Variants in FAM184B observed in about 807,000 individuals in gnomAD.
FAM184B encodes protein FAM184B.
Under a neutral mutation model 135.9 loss-of-function variants are expected in FAM184B, and 111 were observed. The observed-to-expected ratio is 0.82, with a 90% CI of 0.70 to 0.96. The LOEUF (loss-of-function observed/expected upper bound fraction) is 0.96, where lower values mean the gene tolerates loss of function less well. FAM184B is among the 40% of genes least tolerant of loss of function. The pLI, the probability that FAM184B is intolerant of heterozygous loss-of-function variation, is 0.00. For missense variants in FAM184B, 1,375 were observed against 1,323.9 expected, an observed-to-expected ratio of 1.04 and a Z score of -0.60; for synonymous variants, 552 against 524.8, an observed-to-expected ratio of 1.05 and a Z score of -0.71.
intron 1 of FAM184B, among the ~76,000 whole-genome samples, chr4:17,755,646 A>T (rs942361608): frequency 1.3e-5 from 2 of 152,234 alleles, no homozygotes; most frequent in Non-Finnish European, 2.9e-5. Context: ...TAGCAAAGAC[A>T]TGGAATCAAC....
In FAM184B at chr4:17,630,778, G is replaced by A. The variant is rs1343364205; in HGVS notation, c.*1754C>T. 1 of 99,948 alleles carries A rather than the reference G, an allele frequency of 1.0e-5. No homozygotes were observed. Among genetic ancestry groups the A allele is most frequent in the African/African-American group, 3.0e-5 (1 of 33,878 alleles). 6.2% of individuals were successfully genotyped at this position (99,948 alleles called of 1,614,324 possible). A position where few individuals can be genotyped will look rare whatever the true frequency, so the allele number is the denominator to read the frequency against. On this transcript the variant is annotated 3_prime_UTR_variant, in exon 18 of 18. Coordinates refer to ENST00000265018, the MANE Select transcript of FAM184B (RefSeq NM_015688.2). The stretch of plus-strand genomic sequence containing the variant: ...TAAGTTTGACAGTTATATGTAATCA[G>A]CTTTTTTTTTTTTAAGATGGTGTGA...
At chr4:17,693,024 G>A (rs1716770468) in intron 6 of FAM184B, among the ~76,000 whole-genome samples, 2 of 94,638 alleles carry the variant, frequency 2.1e-5, no homozygotes, top group Admixed American at 1.3e-4. Flanking sequence ...AAAGGCAGGG[G>A]AACTGCAGGC....
intron 1 of FAM184B, among the ~76,000 whole-genome samples, chr4:17,754,817 A>C (rs1215401039): frequency 6.6e-6 from 1 of 152,126 alleles, no homozygotes; most frequent in African/African-American, 2.4e-5. Flanking sequence ...AGAAACAAAA[A>C]TGTTTAAAGT....
At position 17,633,798 on chromosome 4, in the gene FAM184B, A is replaced by C; in HGVS notation, c.2980T>G (p.Ser994Ala). Residue 994 changes from serine to alanine, a missense_variant, in exon 17 of 18, where the codon TCC (serine) becomes GCC (alanine). Coordinates refer to ENST00000265018, the MANE Select transcript of FAM184B (RefSeq NM_015688.2). Reference sequence around the variant, plus strand: ...GTTATTGGAGGGGCATTAATCCTGGAACTCAGATCGCCACTCAGAAAGTTC... The same window carrying C: ...GTTATTGGAGGGGCATTAATCCTGGCACTCAGATCGCCACTCAGAAAGTTC... ...AKNFLSGDLS[S>A]RINAPPITTS... is the part of the protein sequence containing the mutation. The C allele has an allele frequency of 6.4e-7, 1 of 1,551,584 alleles. No individual in the cohort carries two copies. The highest frequency in any genetic ancestry group is 1.4e-5 in the African/African-American group (1 of 73,148).
intron 1 of FAM184B, among the ~76,000 whole-genome samples, chr4:17,767,109 C>T (rs1456224847): frequency 3.9e-5 from 6 of 152,174 alleles, no homozygotes; most frequent in African/African-American, 1.2e-4. Flanking sequence ...GAGTGCGGGG[C>T]CGCCGAGCCA....
chr4:17,650,352 C>T (rs1715581571), intron 11 of FAM184B, among the ~76,000 whole-genome samples: 1 of 152,200 alleles, frequency 6.6e-6, no homozygotes, highest in Non-Finnish European at 1.5e-5. Flanking sequence ...TATCAACCTG[C>T]CATTACTGTA....
In FAM184B at chr4:17,688,443, C is replaced by T; in HGVS notation, c.1577G>A (p.Cys526Tyr). The change falls in exon 7 of 18, where the codon TGC becomes TAC. Residue 526 changes from cysteine to tyrosine, a missense_variant. Physicochemically the swap from Cys to Tyr is radical, Grantham distance 194. Transcript: ENST00000265018. ...GGTTACCTGGGTCTCCAGAATGCTG[C>T]AGTGCTGGCGGCCTAATTCCTGGGG... The part of the protein sequence containing the change: ...ESPQELGRQH[C>Y]SILETQDPCL... 1 of 1,550,176 alleles carries T rather than the reference C, an allele frequency of 6.5e-7. No individual in the cohort carries two copies. Among genetic ancestry groups the T allele is most frequent in the Non-Finnish European group, 8.7e-7 (1 of 1,146,558 alleles).
chr4:17,677,754 T>C (rs1716345880), intron 7 of FAM184B, among the ~76,000 whole-genome samples: 1 of 152,080 alleles, frequency 6.6e-6, no homozygotes, highest in African/African-American at 2.4e-5. Context: ...CTAATGAACA[T>C]AGATGCAAAA....
At chr4:17,645,520 C>T (rs111827247) in intron 12 of FAM184B, among the ~76,000 whole-genome samples, 2 of 151,994 alleles carry the variant, frequency 1.3e-5, no homozygotes, top group African/African-American at 2.4e-5. Flanking sequence ...AACTGGCTAG[C>T]CATATGTAGA....
intron 7 of FAM184B, among the ~76,000 whole-genome samples, chr4:17,676,138 T>C (rs1264281014): frequency 6.6e-6 from 1 of 152,212 alleles, no homozygotes; most frequent in Non-Finnish European, 1.5e-5. Flanking sequence ...TAGTTTTTGA[T>C]TTAACATGAG....
intron 1 of FAM184B, among the ~76,000 whole-genome samples, chr4:17,762,922 C>G (rs541037771): frequency 1.3e-5 from 2 of 152,292 alleles, no homozygotes; most frequent in East Asian, 3.9e-4. Flanking sequence ...CTGCCAACTG[C>G]CCTGACTTTT....
intron 6 of FAM184B, among the ~76,000 whole-genome samples, chr4:17,689,274 A>G (rs143976422): frequency 6.6e-6 from 1 of 152,342 alleles, no homozygotes; most frequent in Non-Finnish European, 1.5e-5. Context: ...GGCCTTAATT[A>G]TGATGATGAT....
intron 1 of FAM184B, among the ~76,000 whole-genome samples, chr4:17,764,131 C>G (rs1260524818): frequency 6.6e-6 from 1 of 152,190 alleles, no homozygotes; most frequent in African/African-American, 2.4e-5. Flanking sequence ...AGGCTAACAT[C>G]TGTCACTCGT....
intron 1 of FAM184B, among the ~76,000 whole-genome samples, chr4:17,712,546 A>G (rs1409025932): frequency 2.0e-5 from 3 of 152,140 alleles, no homozygotes; most frequent in Non-Finnish European, 4.4e-5. Flanking sequence ...TGTCTATTGA[A>G]CTACACTCTA....
intron 13 of FAM184B, among the ~76,000 whole-genome samples, 182 bp from the exon 14 acceptor site, chr4:17,639,578 C>T (rs1368412010): frequency 1.3e-5 from 2 of 152,164 alleles, no homozygotes; most frequent in South Asian, 2.1e-4. Flanking sequence ...CCAGGACAAA[C>T]CCCCACTATG....
intron 11 of FAM184B, among the ~76,000 whole-genome samples, chr4:17,652,146 T>TTTTTTTTTTTTTTG (rs762642185): frequency 7.6e-6 from 1 of 131,934 alleles, no homozygotes. Context: ...TTTTTTTTTT[T>TTTTTTTTTTTTTTG]TTGAGTCTTG....
intron 1 of FAM184B, among the ~76,000 whole-genome samples, chr4:17,734,884 A>C (rs1190392255): frequency 6.6e-6 from 1 of 152,108 alleles, no homozygotes; most frequent in Non-Finnish European, 1.5e-5. Flanking sequence ...ATGCACACGT[A>C]TGTTTACTGC....
In FAM184B at chr4:17,709,030, C is replaced by G; in HGVS notation, c.756G>C (p.Ser252=). ...GGACCTGGAAGTTCTTGCGGAGGTC[C>G]GACTCCTTCTCCTGCCACTGCCACA... The part of the protein sequence containing the change: ...QALWQWQEKE[S]DLRKNFQVQE... The change falls in exon 2 of 18, where the codon TCG becomes TCC. Residue 252 remains serine, a synonymous_variant. Coordinates refer to ENST00000265018, the MANE Select transcript of FAM184B (RefSeq NM_015688.2). The G allele has an allele frequency of 6.5e-7, 1 of 1,550,174 alleles. No individual in the cohort carries two copies. Among genetic ancestry groups the G allele is most frequent in the East Asian group, 2.4e-5 (1 of 40,844 alleles).
intron 1 of FAM184B, among the ~76,000 whole-genome samples, chr4:17,755,791 A>C (rs781361009): frequency 2.0e-4 from 30 of 152,228 alleles, no homozygotes; most frequent in Non-Finnish European, 3.7e-4. Flanking sequence ...CGTTATCCTC[A>C]GCAAACTAAC....
Sources: allele counts gnomAD v4.1 joint callset (sites outside exome capture counted in the v4.1 genomes callset), GRCh38; gene constraint gnomAD v4.1.1; transcripts MANE v1.5; gene names NCBI Gene and HGNC (gene_info 2026-07-23, HGNC 2026-07-21).